The following GPR139 variants were observed in gnomAD, a reference collection of about 807,000 sequenced individuals.
GPR139 encodes probable G protein-coupled receptor 139.
GPR139 carries 12 observed loss-of-function variants against 25.8 expected under a neutral mutation model. The observed-to-expected ratio is 0.47, with a 90% CI of 0.30 to 0.75. GPR139 has a LOEUF of 0.75. Among genes scored for constraint, GPR139 ranks in the 30% least tolerant of loss-of-function variants. The probability of loss-of-function intolerance (pLI) is 0.07; values close to 1 mark genes in which losing one functional copy is unlikely to be tolerated. For synonymous variants in GPR139, 184 were observed against 179.9 expected (o/e 1.02, Z -0.18); for missense variants, 380 against 450.2 (o/e 0.84, Z 1.41).
At chr16:20,063,262 A>G (rs2141213848) in intron 1 of GPR139, among the ~76,000 whole-genome samples, 1 of 152,354 alleles carries the variant, frequency 6.6e-6, no homozygotes, top group Admixed American at 6.5e-5. Flanking sequence ...TACAATGACC[A>G]TACAAGAGTC....
chr16:20,056,097 G>T (rs957917692), intron 1 of GPR139, among the ~76,000 whole-genome samples: 5 of 152,192 alleles, frequency 3.3e-5, no homozygotes, highest in Non-Finnish European at 7.3e-5. Context: ...TGAAATGAGG[G>T]GATGTGGTGG....
rs370987620 is a variant in GPR139 at position 20,073,621 on chromosome 16, G to A, written c.-5C>T. 2.9e-5 allele frequency: 46 copies of A among 1,590,900 alleles called. No individual in the cohort carries two copies. The highest frequency in any genetic ancestry group is 3.8e-5 in the Non-Finnish European group (44 of 1,169,002). ...GTGGGCGTGCGTGTGCTCCATGAGC[G>A]CGCCCCTCGCTCCCCTTGCCGCTTC... On this transcript the variant is annotated 5_prime_UTR_variant, in exon 1 of 2. Transcript: ENST00000570682. This position sits in a 1 kb window ranked among gnomAD's most constrained non-coding sequence, Gnocchi z 4.7.
Position 20,047,385 on chromosome 16 carries a change from C to T in GPR139, c.128-14716G>A, listed in dbSNP as rs776772843. 1.2e-4 allele frequency among the ~76,000 whole-genome samples: 18 copies of T among 152,180 alleles called. 1 individual carries two copies. The highest frequency in any genetic ancestry group is 2.4e-4 in the Non-Finnish European group (16 of 68,038). ...CCTCCCAAAGTGCTGAGATTACAGGCGTGAGCCACTGTGCCCAGCCCTTAG... is the reference window on the plus strand; with the variant it reads ...CCTCCCAAAGTGCTGAGATTACAGGTGTGAGCCACTGTGCCCAGCCCTTAG... On this transcript the variant is annotated intron_variant, in intron 1 of 1. Transcript: ENST00000570682.
intron 1 of GPR139, among the ~76,000 whole-genome samples, chr16:20,067,293 A>G (rs545747510): frequency 6.6e-6 from 1 of 152,296 alleles, no homozygotes; most frequent in South Asian, 2.1e-4. Flanking sequence ...GTCTCCAACT[A>G]TAGCAACACA....
At chr16:20,068,100 A>G (rs2057442864) in intron 1 of GPR139, among the ~76,000 whole-genome samples, 1 of 152,092 alleles carries the variant, frequency 6.6e-6, no homozygotes, top group Admixed American at 6.5e-5. Flanking sequence ...TAAAATACTA[A>G]TAACAGTGGT....
At position 20,030,683 on chromosome 16, in the gene GPR139, C is replaced by T. The variant is rs1596462340; in HGVS notation, c.*1052G>A. ...GTCTGCGTTTGTGGCGAAATGGCAG[C>T]GCCAGCTGGGCTGTGAGACAGAGCT... is the stretch of plus-strand genomic sequence containing the variant. On this transcript the variant is annotated 3_prime_UTR_variant, in exon 2 of 2. Coordinates refer to ENST00000570682, the MANE Select transcript of GPR139 (RefSeq NM_001002911.4). Among the ~76,000 whole-genome samples, 1 of 152,240 alleles carries T rather than the reference C, an allele frequency of 6.6e-6. No homozygotes were observed. The highest frequency in any genetic ancestry group is 1.5e-5 in the Non-Finnish European group (1 of 68,050).
In GPR139 at chr16:20,073,735, C is replaced by G; in HGVS notation, c.-119G>C. 7.8e-7 allele frequency: 1 copy of G among 1,278,102 alleles called. No homozygotes were observed. The highest frequency in any genetic ancestry group is 1.1e-6 in the Non-Finnish European group (1 of 951,570). The allele number at this position is 1,278,102 out of a possible 1,614,324, so 79.2% of individuals were successfully genotyped here. A position where few individuals can be genotyped will look rare whatever the true frequency, so the allele number is the denominator to read the frequency against. On this transcript the variant is annotated 5_prime_UTR_variant, in exon 1 of 2. Coordinates refer to ENST00000570682, the MANE Select transcript of GPR139 (RefSeq NM_001002911.4). The surrounding 1 kb of genome is among the most constrained non-coding windows in gnomAD (Gnocchi z 4.7). ...CAGCTGGAGCAGCAGCGCCTCTCTC[C>G]CCGCAGGACTGGCTCCTACCCTTGG...
chr16:20,056,262 G>A (rs185415676), intron 1 of GPR139, among the ~76,000 whole-genome samples: 45 of 152,264 alleles, frequency 3.0e-4, no homozygotes, highest in African/African-American at 9.6e-4. Flanking sequence ...CTTTTTGCAC[G>A]TCATACATCA....
At chr16:20,051,246 T>C (rs1172780508) in intron 1 of GPR139, among the ~76,000 whole-genome samples, 2 of 152,156 alleles carry the variant, frequency 1.3e-5, no homozygotes, top group Non-Finnish European at 2.9e-5. Context: ...TATAAAATTT[T>C]ACAAGAGACA....
At chr16:20,046,986 A>G (rs910919608) in intron 1 of GPR139, among the ~76,000 whole-genome samples, 6 of 152,184 alleles carry the variant, frequency 3.9e-5, no homozygotes, top group Non-Finnish European at 5.9e-5. Flanking sequence ...CAGGAGGATC[A>G]CTTTAGCTCA....
chr16:20,030,599 C>A lies in GPR139; in HGVS notation c.*1136G>T, dbSNP rs1454326808. Among the ~76,000 whole-genome samples the A allele has an allele frequency of 4.6e-5, 7 of 152,232 alleles. No homozygotes were observed. The highest frequency in any genetic ancestry group is 1.5e-5 in the Non-Finnish European group (1 of 68,048). Reference sequence around the variant, plus strand: ...AAATAGCTTTACCAAGAACTGGCACCCCCTTTTGAGCCATGTGCGTCAAAG... The same window carrying A: ...AAATAGCTTTACCAAGAACTGGCACACCCTTTTGAGCCATGTGCGTCAAAG... On this transcript the variant is annotated 3_prime_UTR_variant, in exon 2 of 2. Transcript: ENST00000570682.
At chr16:20,060,352 CTA>C (rs752165303) in intron 1 of GPR139, among the ~76,000 whole-genome samples, 2 of 151,554 alleles carry the variant, frequency 1.3e-5, no homozygotes, top group South Asian at 2.1e-4. Flanking sequence ...GTGTGCATCT[CTA>C]TGTGTGCAAG....
intron 1 of GPR139, 43 bp from the exon 2 acceptor site, chr16:20,032,712 G>T: frequency 1.3e-6 from 2 of 1,487,002 alleles, no homozygotes; most frequent in South Asian, 2.6e-5. Context: ...AAGCAAAGAT[G>T]ACTTCGTTGG....
intron 1 of GPR139, among the ~76,000 whole-genome samples, chr16:20,052,174 C>G (rs1462317649): frequency 6.6e-6 from 1 of 152,204 alleles, no homozygotes; most frequent in Non-Finnish European, 1.5e-5. Context: ...AACACTTCCC[C>G]CATCCACTCT....
chr16:20,053,173 A>C (rs2608178), intron 1 of GPR139, among the ~76,000 whole-genome samples: 115,484 of 152,082 alleles, frequency 0.76, 44,496 homozygotes, highest in East Asian at 0.97. Flanking sequence ...GCCAAGTCTG[A>C]TCAACTCTAA....
chr16:20,045,671 G>T (rs12596252), intron 1 of GPR139, among the ~76,000 whole-genome samples: 2 of 152,040 alleles, frequency 1.3e-5, no homozygotes, highest in Non-Finnish European at 1.5e-5. Context: ...GAGAATGCTC[G>T]CCACTCCCAG....
At chr16:20,053,921 G>A (rs2057380755) in intron 1 of GPR139, among the ~76,000 whole-genome samples, 1 of 151,862 alleles carries the variant, frequency 6.6e-6, no homozygotes, top group Non-Finnish European at 1.5e-5. Context: ...TACACAACCA[G>A]GTTTTGAGAC....
intron 1 of GPR139, among the ~76,000 whole-genome samples, chr16:20,042,199 A>G (rs1413007553): frequency 1.3e-5 from 2 of 152,214 alleles, no homozygotes; most frequent in African/African-American, 2.4e-5. Context: ...ATATGAAATA[A>G]TATAGGCACA....
intron 1 of GPR139, among the ~76,000 whole-genome samples, chr16:20,056,524 T>C (rs1191991608): frequency 6.6e-6 from 1 of 152,158 alleles, no homozygotes; most frequent in Non-Finnish European, 1.5e-5. Flanking sequence ...GTAGCTTCGG[T>C]TTTCAGTCCT....
Sources: gnomAD v4.1 joint callset for allele counts (sites outside exome capture counted in the v4.1 genomes callset) on GRCh38, gnomAD v4.1.1 for gene constraint, Gnocchi (gnomAD v3.1) non-coding constraint, MANE v1.5 for transcripts, NCBI Gene and HGNC (gene_info 2026-07-23, HGNC 2026-07-21) for gene names.